OPCML: variants seen among roughly 807,000 people sequenced by gnomAD.
The protein encoded by OPCML is opioid-binding protein/cell adhesion molecule.
OPCML carries 13 observed loss-of-function variants against 37.8 expected under a neutral mutation model. The observed-to-expected ratio is 0.34, with a 90% CI of 0.22 to 0.55. The LOEUF is 0.55. Ranked by LOEUF, OPCML falls within the 20% of genes least tolerant of loss-of-function variation. OPCML has a pLI of 0.91. For synonymous variants in OPCML, 176 were observed against 168.8 expected, an observed-to-expected ratio of 1.04 and a Z score of -0.33; for missense variants, 341 against 435.6, an observed-to-expected ratio of 0.78 and a Z score of 1.93.
intron 2 of OPCML, among the ~76,000 whole-genome samples, chr11:132,724,972 C>T (rs147442353): frequency 1.5e-3 from 233 of 152,308 alleles, no homozygotes; most frequent in African/African-American, 5.5e-3. Flanking sequence ...TCCCTCCCAG[C>T]CACTTTCATG....
intron 1 of OPCML, among the ~76,000 whole-genome samples, chr11:133,278,105 G>T (rs1396616693): frequency 6.6e-6 from 1 of 152,202 alleles, no homozygotes; most frequent in African/African-American, 2.4e-5. Context: ...TTGTCCCACT[G>T]TAGCGTATGT....
intron 2 of OPCML, among the ~76,000 whole-genome samples, chr11:132,711,969 G>A (rs1944280856): frequency 6.6e-6 from 1 of 152,094 alleles, no homozygotes; most frequent in Non-Finnish European, 1.5e-5. Context: ...ATTTTCATAC[G>A]ATTCCCCTGG....
chr11:132,456,602 T>G (rs1371522105), intron 4 of OPCML, among the ~76,000 whole-genome samples: 1 of 152,186 alleles, frequency 6.6e-6, no homozygotes, highest in Non-Finnish European at 1.5e-5. Flanking sequence ...CTACCTGTGT[T>G]TCATGTAGAG....
In OPCML at chr11:133,029,579, T is replaced by G. The variant is rs1483197705; in HGVS notation, c.62-86569A>C. Reference sequence around the variant, plus strand: ...ATTATGTTCTTTGCAGCAACATGGATGCAGCTGGAGGCCATTCTCCTGAGC... The same window carrying G: ...ATTATGTTCTTTGCAGCAACATGGAGGCAGCTGGAGGCCATTCTCCTGAGC... On this transcript the variant is annotated intron_variant, in intron 1 of 7. Coordinates refer to ENST00000524381, the MANE Select transcript of OPCML (RefSeq NM_001012393.5). 2.0e-5 allele frequency among the ~76,000 whole-genome samples: 3 copies of G among 152,168 alleles called. No individual in the cohort carries two copies. In the East Asian group the frequency reaches 5.8e-4, roughly 29 times the overall value.
intron 4 of OPCML, among the ~76,000 whole-genome samples, chr11:132,496,703 T>A (rs1193563359): frequency 3.9e-5 from 6 of 152,364 alleles, no homozygotes; most frequent in African/African-American, 9.6e-5. Flanking sequence ...TGTACTTGCA[T>A]ATAGAACAAA....
chr11:132,773,906 A>C (rs554884297), intron 2 of OPCML, among the ~76,000 whole-genome samples: 7 of 152,326 alleles, frequency 4.6e-5, no homozygotes, highest in African/African-American at 1.7e-4. Flanking sequence ...GGCGCTCTGA[A>C]AGGGAAGATT....
intron 3 of OPCML, among the ~76,000 whole-genome samples, chr11:132,582,102 C>CTT (rs1210328738): frequency 1.0e-5 from 1 of 99,814 alleles, no homozygotes; most frequent in African/African-American, 3.9e-5. Context: ...TTCACACATA[C>CTT]TTTGTGTGTG....
At chr11:132,747,368 G>A (rs951584604) in intron 2 of OPCML, among the ~76,000 whole-genome samples, 3 of 152,164 alleles carry the variant, frequency 2.0e-5, no homozygotes, top group Non-Finnish European at 4.4e-5. Flanking sequence ...AAGAAGAGTG[G>A]CAGATTCTTT....
intron 1 of OPCML, among the ~76,000 whole-genome samples, chr11:133,080,480 T>TG (rs1491237628): frequency 2.8e-5 from 4 of 143,374 alleles, no homozygotes; most frequent in African/African-American, 1.2e-4. Flanking sequence ...AAATGTTTTT[T>TG]TTTTTTTTTT....
chr11:132,961,083 A>C (rs537362961), intron 1 of OPCML, among the ~76,000 whole-genome samples: 1 of 152,354 alleles, frequency 6.6e-6, no homozygotes, highest in South Asian at 2.1e-4. Context: ...AGGGTCTGTC[A>C]GAAATAACCC....
chr11:132,748,152 A>G (rs1410741818), intron 2 of OPCML, among the ~76,000 whole-genome samples: 3 of 151,934 alleles, frequency 2.0e-5, no homozygotes, highest in African/African-American at 7.3e-5. Context: ...AGTTATCATA[A>G]CAGATTGGTT....
At chr11:133,482,547 G>T (rs1328014994) in intron 1 of OPCML, among the ~76,000 whole-genome samples, 1 of 152,010 alleles carries the variant, frequency 6.6e-6, no homozygotes, top group Non-Finnish European at 1.5e-5. Flanking sequence ...GGCAGTGAGG[G>T]GTGAGTGGGA....
At chr11:133,395,925 C>T (rs995936497) in intron 1 of OPCML, among the ~76,000 whole-genome samples, 1 of 152,018 alleles carries the variant, frequency 6.6e-6, no homozygotes, top group South Asian at 2.1e-4. Flanking sequence ...TGGAGAACGT[C>T]GTTGGTATGT....
At chr11:132,442,981 CA>C (rs953461315) in intron 4 of OPCML, among the ~76,000 whole-genome samples, 2 of 151,958 alleles carry the variant, frequency 1.3e-5, no homozygotes, top group African/African-American at 4.8e-5. Flanking sequence ...CAAAACAAAA[CA>C]AAAAAAACTT....
At chr11:133,030,749 T>C (rs1205902290) in intron 1 of OPCML, among the ~76,000 whole-genome samples, 1 of 152,196 alleles carries the variant, frequency 6.6e-6, no homozygotes, top group Admixed American at 6.5e-5. Flanking sequence ...GGAGATGATT[T>C]CAATGCTCTG....
chr11:132,488,341 C>G (rs2096206267), intron 4 of OPCML, among the ~76,000 whole-genome samples: 1 of 152,112 alleles, frequency 6.6e-6, no homozygotes, highest in Non-Finnish European at 1.5e-5. Context: ...TGTGAACACC[C>G]TAGAGTGCAC....
At chr11:132,769,626 A>G (rs1394013959) in intron 2 of OPCML, among the ~76,000 whole-genome samples, 7 of 152,220 alleles carry the variant, frequency 4.6e-5, no homozygotes, top group East Asian at 1.9e-4. Context: ...GGGCCAGTCC[A>G]GTAGCATAAC....
intron 1 of OPCML, among the ~76,000 whole-genome samples, chr11:132,979,765 G>T (rs1460650940): frequency 2.6e-5 from 4 of 152,244 alleles, no homozygotes; most frequent in Admixed American, 6.5e-5. Flanking sequence ...AACAGTTGAG[G>T]CCCTGGGAGA....
rs1937613839 is a variant in OPCML at position 133,177,141 on chromosome 11, T to C, written c.62-234131A>G. Among the ~76,000 whole-genome samples, 1 of 152,220 alleles carries C rather than the reference T, an allele frequency of 6.6e-6. No homozygotes were observed. The highest frequency in any genetic ancestry group is 2.1e-4 in the South Asian group (1 of 4,832). ...GATGGTTCTGTAAAAATGAAGTGTA[T>C]TCATTTATTAATATTTATTCATATT... On this transcript the variant is annotated intron_variant, in intron 1 of 7. Transcript: ENST00000524381. This position sits in a 1 kb window ranked among gnomAD's most constrained non-coding sequence, Gnocchi z 5.0.
Sources: allele counts gnomAD v4.1 joint callset (sites outside exome capture counted in the v4.1 genomes callset), GRCh38; gene constraint gnomAD v4.1.1; non-coding constraint Gnocchi (gnomAD v3.1); transcripts MANE v1.5; gene names NCBI Gene and HGNC (gene_info 2026-07-23, HGNC 2026-07-21).